The following PCLAF variants were observed in gnomAD, a reference collection of about 807,000 sequenced individuals.
The protein encoded by PCLAF is PCNA clamp associated factor, also known as PCNA-associated factor.
PCLAF carries 12 observed loss-of-function variants against 15.1 expected under a neutral mutation model. The observed-to-expected ratio is 0.79, with a 90% confidence interval of 0.51 to 1.29. PCLAF has a LOEUF of 1.29. Among genes scored for constraint, PCLAF ranks in the 50% most tolerant of loss-of-function variants. The probability of loss-of-function intolerance (pLI) is 0.00; values close to 1 mark genes in which losing one functional copy is unlikely to be tolerated. For synonymous variants in PCLAF, 33 were observed against 47.1 expected (o/e 0.70, Z 1.22); for missense variants, 116 against 130.9 (o/e 0.89, Z 0.56).
At chr15:64,387,224 CAAA>C (rs71445700) in intron 1 of PCLAF, among the ~76,000 whole-genome samples, 2 of 151,388 alleles carry the variant, frequency 1.3e-5, no homozygotes, top group East Asian at 3.9e-4. Context: ...ACTAAAAATA[CAAA>C]AAAAATTAGC....
intron 3 of PCLAF, among the ~76,000 whole-genome samples, chr15:64,376,390 A>AT (rs1361048883): frequency 6.6e-6 from 1 of 151,712 alleles, no homozygotes; most frequent in Non-Finnish European, 1.5e-5. Context: ...TAATTAATTA[A>AT]TTTTTTATTT....
At chr15:64,381,063 G>A (rs780755338) in intron 1 of PCLAF, 25 bp from the exon 2 acceptor site, 3 of 1,609,496 alleles carry the variant, frequency 1.9e-6, no homozygotes, top group Non-Finnish European at 2.6e-6. Flanking sequence ...AAAAAAGGGT[G>A]TTCAGAAGGG....
chr15:64,365,964 G>T lies in PCLAF; in HGVS notation c.*66C>A. ...AGCTAATTGGAACAAACACATTTATGTAAATTTACATTCTAGAATACCAGG... is the reference window on the plus strand; with the variant it reads ...AGCTAATTGGAACAAACACATTTATTTAAATTTACATTCTAGAATACCAGG... On this transcript the variant is annotated 3_prime_UTR_variant, in exon 4 of 4. Coordinates refer to ENST00000300035, the MANE Select transcript of PCLAF (RefSeq NM_014736.6). 2 of 1,323,012 alleles carry T rather than the reference G, an allele frequency of 1.5e-6. No homozygotes were observed. The highest frequency in any genetic ancestry group is 2.2e-6 in the Non-Finnish European group (2 of 923,794). The allele number at this position is 1,323,012 out of a possible 1,614,324, so 82.0% of individuals were successfully genotyped here. A position where few individuals can be genotyped will look rare whatever the true frequency, so the allele number is the denominator to read the frequency against.
rs1013276709 is a variant in PCLAF at position 64,364,739 on chromosome 15, T to C, written c.*1291A>G. The C allele has an allele frequency of 2.6e-5, 4 of 150,980 alleles. No individual in the cohort carries two copies. The highest frequency in any genetic ancestry group is 9.7e-5 in the African/African-American group (4 of 41,198). The allele number at this position is 150,980 out of a possible 1,614,324, so 9.4% of individuals were successfully genotyped here. On this transcript the variant is annotated 3_prime_UTR_variant, in exon 4 of 4. Transcript: ENST00000300035. Reference sequence around the variant, plus strand: ...TCTCACTCTGTTGTTCAGGCTGGAGTGCAGTGGCACAATCTGGGCTCACTG... The same window carrying C: ...TCTCACTCTGTTGTTCAGGCTGGAGCGCAGTGGCACAATCTGGGCTCACTG...
exon 1 of PCLAF, chr15:64,387,645 A>C: frequency 7.1e-7 from 1 of 1,416,602 alleles, no homozygotes; most frequent in Non-Finnish European, 9.2e-7. Flanking sequence ...AGAATCATGC[A>C]CTGACAGAGC....
chr15:64,373,116 C>T (rs1899416813), intron 3 of PCLAF: 1 of 152,182 alleles, frequency 6.6e-6, no homozygotes, highest in African/African-American at 2.4e-5. Context: ...TTCCAATGCA[C>T]ATATATAATA....
At position 64,381,011 on chromosome 15, in the gene PCLAF, A is replaced by T. The variant is rs1596328069; in HGVS notation, c.74T>A (p.Val25Glu). Reference sequence around the variant, plus strand: ...AGTGGCAGAGGTGGAAGAACCAAGCACCTTTCTGGGGGCTCGAGCAGCCAC... The same window carrying T: ...AGTGGCAGAGGTGGAAGAACCAAGCTCCTTTCTGGGGGCTCGAGCAGCCAC... ...KVVAARAPRK[V>E]LGSSTSATNS... The change falls in exon 2 of 4, where the codon GTG (valine) becomes GAG (glutamate). Residue 25 changes from valine to glutamate, a missense_variant. By Grantham distance (121) the Val-to-Glu change is moderately radical (BLOSUM62 -2). Transcript: ENST00000300035. 2 of 1,613,906 alleles carry T rather than the reference A, an allele frequency of 1.2e-6. No individual in the cohort carries two copies. The highest frequency in any genetic ancestry group is 2.7e-5 in the African/African-American group (2 of 74,884).
At chr15:64,380,855 A>T in intron 2 of PCLAF, 103 bp downstream of exon 2, 1 of 955,538 alleles carries the variant, frequency 1.0e-6, no homozygotes, top group Non-Finnish European at 1.6e-6. Context: ...CAGGGCAAGG[A>T]AGAAATTCGG....
chr15:64,382,208 C>A (rs911253981), upstream of PCLAF, among the ~76,000 whole-genome samples: 1 of 151,586 alleles, frequency 6.6e-6, no homozygotes, highest in Admixed American at 6.6e-5. Context: ...CTGACCAACA[C>A]GGTGAAACCC....
chr15:64,380,965 C>T lies in PCLAF; in HGVS notation c.120G>A (p.Ser40=). The T allele has an allele frequency of 6.8e-6, 11 of 1,613,970 alleles. No homozygotes were observed. Among genetic ancestry groups the T allele is most frequent in the East Asian group, 2.2e-5 (1 of 44,864 alleles). ...TAGGAGGGCTCTTCTTACCTTTCCTCGATGAAACTGATGTCGAATTAGTGG... is the reference window on the plus strand; with the variant it reads ...TAGGAGGGCTCTTCTTACCTTTCCTTGATGAAACTGATGTCGAATTAGTGG... ...TSATNSTSVS[S]RKAENKYAGG... is the part of the protein sequence containing the mutation. The change falls in exon 2 of 4, where the codon TCG becomes TCA. Residue 40 remains serine (S), a synonymous_variant. Coordinates refer to ENST00000300035, the MANE Select transcript of PCLAF (RefSeq NM_014736.6).
At chr15:64,379,173 C>T (rs867385986) in intron 2 of PCLAF, among the ~76,000 whole-genome samples, 1 of 151,890 alleles carries the variant, frequency 6.6e-6, no homozygotes, top group African/African-American at 2.4e-5. Context: ...CGATGAGATG[C>T]GGCTCTAATG....
At chr15:64,382,048 C>T (rs1331323032), upstream of PCLAF, among the ~76,000 whole-genome samples, 1 of 152,014 alleles carries the variant, frequency 6.6e-6, no homozygotes, top group Non-Finnish European at 1.5e-5. Context: ...TAAAAAGAAA[C>T]TAATAAAACG....
At position 64,381,440 on chromosome 15, in the gene PCLAF, G is replaced by A. The variant is rs1899819042; in HGVS notation, c.-69C>T. Reference sequence around the variant, plus strand: ...CAGCCGAGGGTGTTTCACTGGACAAGGACCCGAAAACTATCCCGCCACAGT... The same window carrying A: ...CAGCCGAGGGTGTTTCACTGGACAAAGACCCGAAAACTATCCCGCCACAGT... On this transcript the variant is annotated 5_prime_UTR_variant, in exon 1 of 4. Transcript: ENST00000300035. The A allele has an allele frequency of 6.2e-7, 1 of 1,611,300 alleles. No homozygotes were observed. Among genetic ancestry groups the A allele is most frequent in the Non-Finnish European group, 8.5e-7 (1 of 1,178,464 alleles).
At chr15:64,368,840 TG>T (rs1477016206) in intron 3 of PCLAF, among the ~76,000 whole-genome samples, 5 of 152,156 alleles carry the variant, frequency 3.3e-5, no homozygotes, top group Admixed American at 1.3e-4. Flanking sequence ...ATTCCTGTGA[TG>T]ATCAGTGTTA....
intron 1 of PCLAF, 44 bp from the exon 2 acceptor site, chr15:64,381,082 G>A: frequency 6.3e-7 from 1 of 1,578,832 alleles, no homozygotes; most frequent in Admixed American, 1.7e-5. Context: ...GGGCAGGAGG[G>A]TTCCGACACC....
At chr15:64,381,641 G>C, upstream of PCLAF, 3 of 847,904 alleles carry the variant, frequency 3.5e-6, no homozygotes, top group East Asian at 9.0e-5. Flanking sequence ...AGGCGCCCCA[G>C]GTGGGCGGTA....
At chr15:64,373,829 A>G in intron 3 of PCLAF, 12 of 1,478,646 alleles carry the variant, frequency 8.1e-6, no homozygotes, top group Non-Finnish European at 1.1e-5. Context: ...CAGTGACATC[A>G]CTCCCTTTCC....
At chr15:64,370,257 T>G (rs2414847) in intron 3 of PCLAF, among the ~76,000 whole-genome samples, 50,986 of 149,846 alleles carry the variant, frequency 0.34, 9,569 homozygotes, top group East Asian at 0.82. Flanking sequence ...TTTTTTTTTT[T>G]TTTTTTTGTG....
At chr15:64,383,374 T>G (rs1258900822), upstream of PCLAF, among the ~76,000 whole-genome samples, 62 of 151,562 alleles carry the variant, frequency 4.1e-4, no homozygotes, top group African/African-American at 1.4e-3. Flanking sequence ...TGTGTGTGTT[T>G]TTTTTTTTTT....
Sources: allele counts gnomAD v4.1 joint callset (sites outside exome capture counted in the v4.1 genomes callset), GRCh38; gene constraint gnomAD v4.1.1; transcripts MANE v1.5; gene names NCBI Gene and HGNC (gene_info 2026-07-23, HGNC 2026-07-21).